The following POLN variants were observed in gnomAD, a reference collection of about 807,000 sequenced individuals.
POLN encodes DNA polymerase N.
A neutral mutation model predicts 113.5 loss-of-function variants in POLN; 108 were observed. The observed-to-expected ratio is 0.95, with a 90% confidence interval of 0.81 to 1.12. POLN has a LOEUF of 1.12. Ranked by LOEUF, POLN falls within the 50% of genes most tolerant of loss-of-function variation. The pLI, the probability that POLN is intolerant of heterozygous loss-of-function variation, is 0.00. For missense variants in POLN, 1,097 were observed against 1,077.1 expected, an observed-to-expected ratio of 1.02 and a Z score of -0.26; for synonymous variants, 386 against 391.5, an observed-to-expected ratio of 0.99 and a Z score of 0.17.
intron 7 of POLN, among the ~76,000 whole-genome samples, chr4:2,179,809 C>T (rs981282795): frequency 6.6e-6 from 1 of 152,136 alleles, no homozygotes; most frequent in Admixed American, 6.5e-5. Flanking sequence ...ATGCTACCTG[C>T]CTCCCCTCCT....
rs565494875 is a variant in POLN at position 2,078,677 on chromosome 4, A to G, written c.2387+2281T>C. 8.1e-6 allele frequency: 8 copies of G among 985,438 alleles called. No homozygotes were observed. In the East Asian group the frequency reaches 8.0e-4, roughly 98 times the overall value. 61.0% of individuals were successfully genotyped at this position (985,438 alleles called of 1,614,324 possible). A position where few individuals can be genotyped will look rare whatever the true frequency, so the allele number is the denominator to read the frequency against. On this transcript the variant is annotated intron_variant, in intron 23 of 25. Coordinates refer to ENST00000511885, the MANE Select transcript of POLN (RefSeq NM_181808.4). ...CACAGCCTTTCACATTACTCCTGGAAGAACAAATCACGTTCACAAAACACA... is the reference window on the plus strand; with the variant it reads ...CACAGCCTTTCACATTACTCCTGGAGGAACAAATCACGTTCACAAAACACA...
chr4:2,202,717 C>T (rs1733747488), intron 5 of POLN, among the ~76,000 whole-genome samples: 1 of 102,700 alleles, frequency 9.7e-6, no homozygotes, highest in African/African-American at 4.3e-5. Context: ...CAGCAAGACT[C>T]TGTCTCAAAA....
intron 16 of POLN, among the ~76,000 whole-genome samples, chr4:2,135,113 T>C (rs1386915113): frequency 6.6e-6 from 1 of 152,140 alleles, no homozygotes; most frequent in Non-Finnish European, 1.5e-5. Flanking sequence ...GTATCACACA[T>C]ACAAGTCACA....
At chr4:2,081,578 G>A in intron 22 of POLN, 55 bp downstream of exon 22, 1 of 1,561,710 alleles carries the variant, frequency 6.4e-7, no homozygotes, top group Non-Finnish European at 8.8e-7. Flanking sequence ...CCCTGCGGCT[G>A]CTAAAACCCA....
chr4:2,108,357 C>G (rs1731117998), intron 19 of POLN, among the ~76,000 whole-genome samples: 2 of 152,180 alleles, frequency 1.3e-5, no homozygotes. Flanking sequence ...AAGATAGGGA[C>G]AATAGCAGCA....
chr4:2,155,107 T>G (rs1732391353), intron 16 of POLN, among the ~76,000 whole-genome samples: 1 of 152,232 alleles, frequency 6.6e-6, no homozygotes, highest in Middle Eastern at 3.4e-3. Context: ...AGCAAGGACC[T>G]CCACGAAAAG....
intron 19 of POLN, among the ~76,000 whole-genome samples, chr4:2,115,093 G>A (rs1731283893): frequency 6.6e-6 from 1 of 151,470 alleles, no homozygotes; most frequent in Non-Finnish European, 1.5e-5. Context: ...TGTAGCTCAG[G>A]CTGGACTGCA....
At chr4:2,083,899 A>T (rs1342583194) in intron 21 of POLN, among the ~76,000 whole-genome samples, 1 of 152,232 alleles carries the variant, frequency 6.6e-6, no homozygotes, top group Non-Finnish European at 1.5e-5. Flanking sequence ...CATGTTTACA[A>T]AATGTAGAAG....
chr4:2,197,724 C>G (rs1379705816), intron 6 of POLN, among the ~76,000 whole-genome samples: 1 of 152,168 alleles, frequency 6.6e-6, no homozygotes, highest in Non-Finnish European at 1.5e-5. Flanking sequence ...GTCACACATT[C>G]CCCTTCTCCC....
At chr4:2,128,724 C>T (rs34124470) in intron 18 of POLN, among the ~76,000 whole-genome samples, 1 of 152,096 alleles carries the variant, frequency 6.6e-6, no homozygotes, top group Non-Finnish European at 1.5e-5. Flanking sequence ...CGGGACACTG[C>T]AAGAAAAACT....
At chr4:2,155,872 T>C (rs1732410799) in intron 16 of POLN, among the ~76,000 whole-genome samples, 1 of 152,096 alleles carries the variant, frequency 6.6e-6, no homozygotes, top group African/African-American at 2.4e-5. Context: ...TCTCGCTCTG[T>C]CACCCAGGCT....
chr4:2,236,278 G>A (rs1734761143), intron 2 of POLN: 2 of 1,613,444 alleles, frequency 1.2e-6, no homozygotes, highest in East Asian at 2.2e-5. Context: ...GTATCACAAA[G>A]CATGTCCACA....
At chr4:2,233,459 T>A (rs1262645626) in intron 2 of POLN, among the ~76,000 whole-genome samples, 1 of 152,098 alleles carries the variant, frequency 6.6e-6, no homozygotes, top group Non-Finnish European at 1.5e-5. Context: ...CATTTTAACA[T>A]ATCTGAAATG....
At chr4:2,180,779 C>A (rs1013042609) in intron 7 of POLN, among the ~76,000 whole-genome samples, 3 of 152,188 alleles carry the variant, frequency 2.0e-5, no homozygotes, top group African/African-American at 4.8e-5. Flanking sequence ...GGGAGATGGT[C>A]CCTATAATCT....
chr4:2,185,819 A>C lies in POLN; in HGVS notation c.1022-6354T>G. Among the ~76,000 whole-genome samples, 2 of 152,354 alleles carry C rather than the reference A, an allele frequency of 1.3e-5. 1 individual carries two copies. Among genetic ancestry groups the C allele is most frequent in the South Asian group, 4.1e-4 (2 of 4,832 alleles). The stretch of plus-strand genomic sequence containing the variant: ...CCCAGTTAAAACAAACTGTAAAAAA[A>C]CAAAACAAATAAACAAAAACAGTTA... On this transcript the variant is annotated intron_variant, in intron 7 of 25. Transcript: ENST00000511885.
At chr4:2,131,170 G>T in intron 17 of POLN, 63 bp downstream of exon 17, 1 of 1,196,006 alleles carries the variant, frequency 8.4e-7, no homozygotes, top group Non-Finnish European at 1.2e-6. Flanking sequence ...GGGTGACAGA[G>T]TGACACCCTA....
intron 16 of POLN, chr4:2,156,530 T>C: frequency 3.6e-6 from 2 of 555,440 alleles, no homozygotes; most frequent in Non-Finnish European, 6.7e-6. Context: ...ACGGGTGTCC[T>C]TTTTGCCTGC....
At chr4:2,086,659 T>C (rs1464627695) in intron 20 of POLN, among the ~76,000 whole-genome samples, 2 of 152,184 alleles carry the variant, frequency 1.3e-5, no homozygotes, top group African/African-American at 4.8e-5. Flanking sequence ...GAGAACATCA[T>C]CCCTTGCTCG....
At position 2,171,180 on chromosome 4, in the gene POLN, G is replaced by A. The variant is rs2108747182; in HGVS notation, c.1376C>T (p.Ala459Val). ...TTCTTGCTCCAATTCCTTGAGACGA[G>A]CCTGAAAATATGATACACACAATTA... The part of the protein sequence containing the change: ...EMEKTSALLG[A>V]RLKELEQEAH... Residue 459 changes from alanine to valine, a missense_variant and splice_region_variant, in exon 12 of 26, where the codon GCT (alanine) becomes GTT (valine). By Grantham distance (64) the Ala-to-Val change is moderately conservative (BLOSUM62 0). Coordinates refer to ENST00000511885, the MANE Select transcript of POLN (RefSeq NM_181808.4). 1 of 1,610,096 alleles carries A rather than the reference G, an allele frequency of 6.2e-7. No individual in the cohort carries two copies. The highest frequency in any genetic ancestry group is 8.5e-7 in the Non-Finnish European group (1 of 1,178,042).
Sources: allele counts gnomAD v4.1 joint callset (sites outside exome capture counted in the v4.1 genomes callset), GRCh38; gene constraint gnomAD v4.1.1; transcripts MANE v1.5; gene names NCBI Gene and HGNC (gene_info 2026-07-23, HGNC 2026-07-21).